DGLUCY: variants seen among roughly 807,000 people sequenced by gnomAD.
DGLUCY encodes D-glutamate cyclase.
Under a neutral mutation model 58.5 loss-of-function variants are expected in DGLUCY, and 58 were observed. The ratio of observed to expected loss-of-function variants is 0.99; its 90% CI spans 0.80 to 1.23. DGLUCY has a LOEUF of 1.23. Ranked by LOEUF, DGLUCY falls within the 50% of genes most tolerant of loss-of-function variation. The pLI, the probability that DGLUCY is intolerant of heterozygous loss-of-function variation, is 0.00. For missense variants in DGLUCY, 779 were observed against 784.7 expected (o/e 0.99, Z 0.09); for synonymous variants, 325 against 314.1 (o/e 1.03, Z -0.37).
chr14:91,131,190 T>C (rs1433764410), intron 1 of DGLUCY, among the ~76,000 whole-genome samples: 1 of 152,210 alleles, frequency 6.6e-6, no homozygotes, highest in African/African-American at 2.4e-5. Flanking sequence ...CCTCAAGTGA[T>C]CTTCCTGTCT....
intron 1 of DGLUCY, among the ~76,000 whole-genome samples, chr14:91,144,124 G>T (rs1312675196): frequency 6.6e-6 from 1 of 152,212 alleles, no homozygotes; most frequent in Non-Finnish European, 1.5e-5. Flanking sequence ...AAAATGAGAT[G>T]ACATATGTCA....
chr14:91,070,274 A>C (rs1202076569), intron 1 of DGLUCY, among the ~76,000 whole-genome samples: 5 of 152,194 alleles, frequency 3.3e-5, no homozygotes, highest in African/African-American at 1.2e-4. Context: ...GTAGAGAAAT[A>C]ATTTCTAGAT....
At chr14:91,199,704 A>C in intron 10 of DGLUCY, 53 bp from the exon 11 acceptor site, 4 of 1,589,244 alleles carry the variant, frequency 2.5e-6, no homozygotes, top group Non-Finnish European at 3.4e-6. Context: ...GACCCAGCAA[A>C]GCAGCCACCT....
chr14:91,199,177 A>T (rs1239789276), intron 10 of DGLUCY, among the ~76,000 whole-genome samples: 1 of 151,782 alleles, frequency 6.6e-6, no homozygotes, highest in Non-Finnish European at 1.5e-5. Context: ...CAATGTTCCC[A>T]TCCCCATAGC....
chr14:91,179,716 A>G (rs2049051629), intron 7 of DGLUCY, among the ~76,000 whole-genome samples: 1 of 150,948 alleles, frequency 6.6e-6, no homozygotes, highest in Admixed American at 6.6e-5. Context: ...GCACCACTGC[A>G]CTCCAACCTG....
intron 1 of DGLUCY, among the ~76,000 whole-genome samples, chr14:91,115,975 T>C (rs973586897): frequency 6.6e-6 from 1 of 152,204 alleles, no homozygotes. Context: ...CTGGTTCCTG[T>C]GGGCAATGCA....
At chr14:91,166,053 A>G (rs2048265425) in intron 3 of DGLUCY, among the ~76,000 whole-genome samples, 2 of 152,232 alleles carry the variant, frequency 1.3e-5, no homozygotes, top group Admixed American at 1.3e-4. Context: ...CTCAAAATAT[A>G]TTGAGTGAGA....
intron 8 of DGLUCY, among the ~76,000 whole-genome samples, chr14:91,186,544 G>A (rs2049536060): frequency 6.6e-6 from 1 of 152,164 alleles, no homozygotes; most frequent in Non-Finnish European, 1.5e-5. Flanking sequence ...GATTACAGAT[G>A]TGAGTCACTG....
chr14:91,086,665 G>A (rs1326252219), intron 1 of DGLUCY, among the ~76,000 whole-genome samples: 1 of 152,128 alleles, frequency 6.6e-6, no homozygotes, highest in Non-Finnish European at 1.5e-5. Context: ...AGGGCTGACT[G>A]TATTTTATAC....
At chr14:91,102,145 TCTA>T (rs1393810008) in intron 1 of DGLUCY, among the ~76,000 whole-genome samples, 1 of 152,220 alleles carries the variant, frequency 6.6e-6, no homozygotes, top group Non-Finnish European at 1.5e-5. Flanking sequence ...AATATGTATA[TCTA>T]CTATGTATCA....
chr14:91,098,489 C>T (rs538830515), intron 1 of DGLUCY, among the ~76,000 whole-genome samples: 1 of 152,144 alleles, frequency 6.6e-6, no homozygotes, highest in East Asian at 1.9e-4. Flanking sequence ...AGGTGATGAG[C>T]TTTGAGTGTG....
At chr14:91,151,793 T>C (rs146155431) in intron 1 of DGLUCY, among the ~76,000 whole-genome samples, 122 of 152,238 alleles carry the variant, frequency 8.0e-4, no homozygotes, top group African/African-American at 2.8e-3. Context: ...TAGCTGGAAT[T>C]ACAGGCGTGC....
Position 91,062,546 on chromosome 14 carries a change from TAAA to T in DGLUCY, c.-82+1853_-82+1855del, listed in dbSNP as rs745934410. 2.3e-3 allele frequency among the ~76,000 whole-genome samples: 42 copies of T among 18,154 alleles called. 3 individuals are homozygous for T. The highest frequency in any genetic ancestry group is 2.9e-3 in the Non-Finnish European group (27 of 9,322). 11.9% of individuals were successfully genotyped at this position (18,154 alleles called of 152,430 possible). ...CTGGGCAACAGAGCGAGACTCTGTC[TAAA>T]AAAAAAAAAATATATATATATATAT... On this transcript the variant is annotated intron_variant, in intron 1 of 4. Transcript: ENST00000521334.
At chr14:91,223,874 G>A (rs781286571) in intron 13 of DGLUCY, 1 of 366,328 alleles carries the variant, frequency 2.7e-6, no homozygotes, top group Non-Finnish European at 5.0e-6. Flanking sequence ...TTACAGATAA[G>A]CACACTAAGG....
chr14:91,134,985 T>G (rs1391712430), intron 1 of DGLUCY, among the ~76,000 whole-genome samples: 1 of 152,038 alleles, frequency 6.6e-6, no homozygotes, highest in Non-Finnish European at 1.5e-5. Flanking sequence ...AGTGCATTGG[T>G]GTGATCTCTG....
chr14:91,123,871 T>A (rs1358292322), intron 1 of DGLUCY, among the ~76,000 whole-genome samples: 1 of 150,962 alleles, frequency 6.6e-6, no homozygotes, highest in Non-Finnish European at 1.5e-5. Flanking sequence ...AGCCACTGCA[T>A]CCAGCCTGTT....
chr14:91,177,481 C>T (rs1267762514), intron 7 of DGLUCY, among the ~76,000 whole-genome samples: 1 of 152,172 alleles, frequency 6.6e-6, no homozygotes, highest in African/African-American at 2.4e-5. Context: ...TGATTATAAA[C>T]AAGGCCAGCA....
At chr14:91,141,140 C>T (rs554946239) in intron 1 of DGLUCY, among the ~76,000 whole-genome samples, 2 of 152,238 alleles carry the variant, frequency 1.3e-5, no homozygotes, top group East Asian at 3.9e-4. Context: ...AATCCCAGCA[C>T]TTTGGGAGGC....
intron 13 of DGLUCY, chr14:91,220,578 A>G (rs1262746411): frequency 2.2e-6 from 1 of 456,198 alleles, no homozygotes; most frequent in Non-Finnish European, 4.4e-6. Flanking sequence ...TCCAGATGCC[A>G]TGTGGCGTCA....
Sources: gnomAD v4.1 joint callset for allele counts (sites outside exome capture counted in the v4.1 genomes callset) on GRCh38, gnomAD v4.1.1 for gene constraint, MANE v1.5 for transcripts, NCBI Gene and HGNC (gene_info 2026-07-23, HGNC 2026-07-21) for gene names.